Variants in CCDC102B observed in about 807,000 individuals in gnomAD.
CCDC102B encodes the protein coiled-coil domain-containing protein 102B.
Under a neutral mutation model 57.4 loss-of-function variants are expected in CCDC102B, and 75 were observed. The ratio of observed to expected loss-of-function variants is 1.31; its 90% CI spans 1.08 to 1.58. The LOEUF (loss-of-function observed/expected upper bound fraction) is 1.58, where lower values mean the gene tolerates loss of function less well. CCDC102B is among the 40% of genes most tolerant of loss of function. CCDC102B has a pLI of 0.00. For synonymous variants in CCDC102B, 206 were observed against 201.9 expected, an observed-to-expected ratio of 1.02 and a Z score of -0.17; for missense variants, 636 against 582.6, an observed-to-expected ratio of 1.09 and a Z score of -0.94.
At chr18:68,916,115 T>C (rs1385864642) in intron 6 of CCDC102B, among the ~76,000 whole-genome samples, 1 of 151,872 alleles carries the variant, frequency 6.6e-6, no homozygotes, top group East Asian at 1.9e-4. Context: ...TTTCTTAATA[T>C]TAGATCAGTT....
intron 2 of CCDC102B, among the ~76,000 whole-genome samples, chr18:68,736,146 A>T (rs1366185803): frequency 2.0e-5 from 3 of 152,186 alleles, no homozygotes; most frequent in African/African-American, 7.2e-5. Context: ...TTTTTTTTAA[A>T]GTTTTTGAAA....
chr18:68,883,648 T>A (rs921052970), intron 5 of CCDC102B, among the ~76,000 whole-genome samples: 2 of 152,190 alleles, frequency 1.3e-5, no homozygotes, highest in Non-Finnish European at 2.9e-5. Context: ...TAAACCATTG[T>A]GCGTGCAACT....
At chr18:68,865,344 C>G (rs1393777830) in intron 4 of CCDC102B, among the ~76,000 whole-genome samples, 1 of 152,006 alleles carries the variant, frequency 6.6e-6, no homozygotes, top group Non-Finnish European at 1.5e-5. Context: ...TCTTAGGGTT[C>G]ATAGGGATAA....
chr18:68,903,186 G>A (rs4316858), intron 6 of CCDC102B, among the ~76,000 whole-genome samples: 137,088 of 152,166 alleles, frequency 0.9, 61,829 homozygotes, highest in Admixed American at 0.92. Flanking sequence ...ACAGAAAAGC[G>A]TAATTCTGGA....
At chr18:68,822,452 C>T (rs1307206633) in intron 1 of CCDC102B, among the ~76,000 whole-genome samples, 1 of 151,438 alleles carries the variant, frequency 6.6e-6, no homozygotes, top group East Asian at 2.0e-4. Context: ...TTTAACATGT[C>T]AATTTGGTGT....
rs139670560 is a variant in CCDC102B at position 68,723,547 on chromosome 18, G to T, written c.-67+6953G>T. ...ATAAATACAACCATTCCAAATGGGAGAAATTGGCCCAAAGGGGATACGGGC... is the reference window on the plus strand; with the variant it reads ...ATAAATACAACCATTCCAAATGGGATAAATTGGCCCAAAGGGGATACGGGC... On this transcript the variant is annotated intron_variant, in intron 2 of 3. Coordinates refer to the CCDC102B transcript ENST00000578970. Among the ~76,000 whole-genome samples the T allele has an allele frequency of 1.2e-4, 18 of 152,320 alleles. No individual in the cohort carries two copies. In the East Asian group the frequency reaches 3.5e-3, roughly 29 times the overall value.
chr18:69,014,245 C>T (rs180867107), intron 7 of CCDC102B, among the ~76,000 whole-genome samples: 1 of 152,106 alleles, frequency 6.6e-6, no homozygotes, highest in East Asian at 1.9e-4. Flanking sequence ...TAACATAATC[C>T]TTTGTTCCTC....
At chr18:69,040,212 G>T (rs1170938544) in intron 7 of CCDC102B, among the ~76,000 whole-genome samples, 2 of 151,848 alleles carry the variant, frequency 1.3e-5, no homozygotes, top group African/African-American at 2.4e-5. Flanking sequence ...ATCATTTTAG[G>T]TGTGCCTGGT....
At chr18:68,889,030 G>GTTT in intron 5 of CCDC102B, among the ~76,000 whole-genome samples, 1 of 148,540 alleles carries the variant, frequency 6.7e-6, no homozygotes, top group East Asian at 2.0e-4. Context: ...GTTTTTCTTT[G>GTTT]TTTTTTTTTT....
chr18:68,749,591 G>A (rs2033765791), intron 2 of CCDC102B, among the ~76,000 whole-genome samples: 15 of 152,108 alleles, frequency 9.9e-5, no homozygotes, highest in Admixed American at 9.8e-4. Context: ...TGTTATTGGT[G>A]TATAAGAATG....
chr18:69,027,623 A>T (rs555037940), intron 7 of CCDC102B, among the ~76,000 whole-genome samples: 8 of 151,902 alleles, frequency 5.3e-5, no homozygotes, highest in Non-Finnish European at 4.4e-5. Flanking sequence ...ATGCATTATG[A>T]CATCAGTGAA....
At chr18:68,917,468 A>G (rs1277912096) in intron 6 of CCDC102B, among the ~76,000 whole-genome samples, 1 of 152,156 alleles carries the variant, frequency 6.6e-6, no homozygotes, top group Non-Finnish European at 1.5e-5. Context: ...CCTCCGTTAT[A>G]CTTAGCTAGT....
intron 6 of CCDC102B, chr18:68,897,919 G>A (rs2040301309): frequency 4.8e-6 from 1 of 209,820 alleles, no homozygotes; most frequent in Non-Finnish European, 9.8e-6. Context: ...CTAATGAAAT[G>A]CATAATTTTT....
chr18:68,862,087 G>C (rs1314622237), intron 4 of CCDC102B, among the ~76,000 whole-genome samples: 1 of 151,940 alleles, frequency 6.6e-6, no homozygotes, highest in Non-Finnish European at 1.5e-5. Context: ...ACATCATCTT[G>C]TATTTCCTTA....
intron 6 of CCDC102B, among the ~76,000 whole-genome samples, chr18:68,956,317 A>G (rs536031447): frequency 2.5e-4 from 15 of 60,314 alleles, no homozygotes; most frequent in African/African-American, 8.5e-4. Context: ...CTTTATAGAT[A>G]TATTTTATAT....
intron 2 of CCDC102B, among the ~76,000 whole-genome samples, chr18:68,770,686 G>A (rs2034611312): frequency 6.6e-6 from 1 of 152,202 alleles, no homozygotes; most frequent in Non-Finnish European, 1.5e-5. Flanking sequence ...TTAGTCAAAA[G>A]TGATTTATTC....
intron 6 of CCDC102B, among the ~76,000 whole-genome samples, chr18:69,006,059 G>T (rs1169807436): frequency 6.6e-6 from 1 of 151,882 alleles, no homozygotes; most frequent in Non-Finnish European, 1.5e-5. Flanking sequence ...TACCATTAAA[G>T]CATATTAGAA....
At chr18:68,891,893 G>C (rs2040091301) in intron 5 of CCDC102B, among the ~76,000 whole-genome samples, 1 of 152,060 alleles carries the variant, frequency 6.6e-6, no homozygotes, top group African/African-American at 2.4e-5. Context: ...GACAAATATT[G>C]GGGGGTACAC....
chr18:68,810,617 T>A (rs1375322333), intron 1 of CCDC102B, among the ~76,000 whole-genome samples: 1 of 151,588 alleles, frequency 6.6e-6, no homozygotes, highest in East Asian at 1.9e-4. Context: ...CCAGACAGGT[T>A]GGGTTCTCTA....
Sources: allele counts gnomAD v4.1 joint callset (sites outside exome capture counted in the v4.1 genomes callset), GRCh38; gene constraint gnomAD v4.1.1; transcripts MANE v1.5; gene names NCBI Gene and HGNC (gene_info 2026-07-23, HGNC 2026-07-21).